RGS6: variants seen among roughly 807,000 people sequenced by gnomAD.
RGS6 encodes regulator of G-protein signaling 6.
RGS6 carries 30 observed loss-of-function variants against 78.5 expected under a neutral mutation model. The ratio of observed to expected loss-of-function variants is 0.38; its 90% confidence interval spans 0.29 to 0.52. The LOEUF is 0.52. RGS6 is among the 20% of genes least tolerant of loss of function. RGS6 has a pLI of 0.85. For missense variants in RGS6, 495 were observed against 609.7 expected (o/e 0.81, Z 1.98); for synonymous variants, 206 against 206.0 (o/e 1.00, Z 0.00).
the RGS6 span, among the ~76,000 whole-genome samples, chr14:72,615,054 T>C: frequency 6.6e-6 from 1 of 151,010 alleles, no homozygotes; most frequent in Non-Finnish European, 1.5e-5. Flanking sequence ...AGCGTGGCTC[T>C]GGCCAGAGCC....
At chr14:72,186,895 A>C (rs2097255696) in intron 2 of RGS6, among the ~76,000 whole-genome samples, 1 of 152,190 alleles carries the variant, frequency 6.6e-6, no homozygotes, top group Non-Finnish European at 1.5e-5. Flanking sequence ...GGGCAACAGA[A>C]CTTCTTTTGA....
intron 1 of RGS6, among the ~76,000 whole-genome samples, chr14:71,944,142 G>A (rs1426913224): frequency 6.6e-6 from 1 of 152,130 alleles, no homozygotes; most frequent in Admixed American, 6.5e-5. Context: ...AATACACATA[G>A]TAAATGCTTG....
intron 2 of RGS6, among the ~76,000 whole-genome samples, chr14:72,272,306 A>G (rs1224167330): frequency 6.6e-6 from 1 of 152,214 alleles, no homozygotes; most frequent in Non-Finnish European, 1.5e-5. Context: ...ATCAAGGGGA[A>G]AAGATGGACA....
chr14:72,502,955 ACTTGT>A (rs1470166906), intron 13 of RGS6, among the ~76,000 whole-genome samples: 7 of 152,178 alleles, frequency 4.6e-5, no homozygotes, highest in Admixed American at 3.3e-4. Context: ...TTTTCTAATA[ACTTGT>A]CTTAGTCTGT....
intron 2 of RGS6, among the ~76,000 whole-genome samples, chr14:72,342,565 T>TA (rs369765140): frequency 0.024 from 3,176 of 133,402 alleles, 43 homozygotes; most frequent in South Asian, 0.043. Flanking sequence ...GACTCTGTCT[T>TA]AAAAAAAAAA....
chr14:72,250,386 A>G (rs1241060951), intron 2 of RGS6, among the ~76,000 whole-genome samples: 1 of 131,884 alleles, frequency 7.6e-6, no homozygotes, highest in Non-Finnish European at 1.6e-5. Flanking sequence ...TGGCTTTTAC[A>G]TGTAAATACA....
In RGS6 at chr14:72,313,575, G is replaced by A. The variant is rs367554364; in HGVS notation, c.85-38520G>A. ...CGTTCCTTCTGCTGGTTAAATTGCCGCTTCTCTTTTGCCCCTGAAATCAGG... is the reference window on the plus strand; with the variant it reads ...CGTTCCTTCTGCTGGTTAAATTGCCACTTCTCTTTTGCCCCTGAAATCAGG... On this transcript the variant is annotated intron_variant, in intron 2 of 17. Transcript: ENST00000553525. Among the ~76,000 whole-genome samples, 10 of 152,216 alleles carry A rather than the reference G, an allele frequency of 6.6e-5. No homozygotes were observed. The South Asian group carries it at 1.9e-3, about 28-fold the overall frequency.
At chr14:72,312,891 A>T (rs1422557919) in intron 2 of RGS6, among the ~76,000 whole-genome samples, 4 of 152,186 alleles carry the variant, frequency 2.6e-5, no homozygotes, top group Non-Finnish European at 5.9e-5. Flanking sequence ...GCTCACTTCA[A>T]TGCTACTCAT....
At chr14:72,039,281 C>A (rs969418583) in intron 2 of RGS6, among the ~76,000 whole-genome samples, 1 of 152,036 alleles carries the variant, frequency 6.6e-6, no homozygotes, top group Non-Finnish European at 1.5e-5. Flanking sequence ...TTGTCCTGTA[C>A]CCGCAAAGAT....
chr14:72,267,302 T>A (rs2153902741), intron 2 of RGS6, among the ~76,000 whole-genome samples: 1 of 152,174 alleles, frequency 6.6e-6, no homozygotes. Context: ...AGAATAATAT[T>A]TCATGATACA....
intron 2 of RGS6, among the ~76,000 whole-genome samples, chr14:71,981,960 C>G (rs376034674): frequency 2.1e-5 from 3 of 144,168 alleles, no homozygotes; most frequent in Non-Finnish European, 4.6e-5. Context: ...TAGGACCCTC[C>G]GAGCCAGGTG....
intron 2 of RGS6, among the ~76,000 whole-genome samples, chr14:72,143,379 A>G (rs1192352789): frequency 6.6e-6 from 1 of 152,154 alleles, no homozygotes; most frequent in Non-Finnish European, 1.5e-5. Flanking sequence ...TCTCAAAAAA[A>G]AACACAAAAA....
chr14:72,509,165 C>G (rs955681594), intron 13 of RGS6, among the ~76,000 whole-genome samples: 3 of 151,834 alleles, frequency 2.0e-5, no homozygotes, highest in Non-Finnish European at 4.4e-5. Context: ...GAGATTGAGA[C>G]CATCCTGGCT....
chr14:72,577,706 G>A, the RGS6 span, among the ~76,000 whole-genome samples: 9 of 152,278 alleles, frequency 5.9e-5, no homozygotes, highest in African/African-American at 1.7e-4. Flanking sequence ...GGTGACTTCC[G>A]TGTCCTAAGT....
intron 2 of RGS6, among the ~76,000 whole-genome samples, chr14:72,346,242 C>A (rs961708940): frequency 6.6e-6 from 1 of 152,102 alleles, no homozygotes; most frequent in Non-Finnish European, 1.5e-5. Flanking sequence ...AACATCTCCA[C>A]TGGGGAAAAA....
chr14:72,344,788 T>A (rs1400436255), intron 2 of RGS6, among the ~76,000 whole-genome samples: 1 of 152,156 alleles, frequency 6.6e-6, no homozygotes, highest in Non-Finnish European at 1.5e-5. Context: ...TGGGACACCA[T>A]GGACAGATTT....
intron 1 of RGS6, among the ~76,000 whole-genome samples, chr14:71,938,797 AC>A (rs879695949): frequency 6.6e-6 from 1 of 152,114 alleles, no homozygotes; most frequent in Non-Finnish European, 1.5e-5. Context: ...TGACTTGATG[AC>A]CCAGTCAAAC....
chr14:72,305,625 G>T (rs182594886), intron 2 of RGS6, among the ~76,000 whole-genome samples: 1 of 152,294 alleles, frequency 6.6e-6, no homozygotes, highest in Admixed American at 6.5e-5. Context: ...ATAAGATGGA[G>T]AACTTAATAA....
At chr14:72,550,692 C>A in intron 17 of RGS6, 1 of 1,426,106 alleles carries the variant, frequency 7.0e-7, no homozygotes, top group South Asian at 1.5e-5. Context: ...CTTTGTGAGT[C>A]ATCACAATCC....
Sources: allele counts gnomAD v4.1 joint callset (sites outside exome capture counted in the v4.1 genomes callset), GRCh38; gene constraint gnomAD v4.1.1; transcripts MANE v1.5; gene names NCBI Gene and HGNC (gene_info 2026-07-23, HGNC 2026-07-21).